Variants in NSUN4 observed in about 807,000 individuals in gnomAD.
NSUN4 encodes 5-cytosine rRNA methyltransferase NSUN4.
Under a neutral mutation model 43.8 loss-of-function variants are expected in NSUN4, and 31 were observed. The ratio of observed to expected loss-of-function variants is 0.71; its 90% CI spans 0.53 to 0.96. NSUN4 has a LOEUF of 0.96. NSUN4 is among the 40% of genes least tolerant of loss of function. The pLI is 0.00. For missense variants in NSUN4, 439 were observed against 475.6 expected, an observed-to-expected ratio of 0.92 and a Z score of 0.72; for synonymous variants, 167 against 184.1, an observed-to-expected ratio of 0.91 and a Z score of 0.75.
downstream of NSUN4, among the ~76,000 whole-genome samples, chr1:46,370,140 G>A (rs980888308): frequency 3.3e-5 from 5 of 152,184 alleles, no homozygotes; most frequent in Non-Finnish European, 1.5e-5. Flanking sequence ...TCATTCTGGG[G>A]AGAACTGGGG....
chr1:46,354,009 A>G (rs1663191764), intron 4 of NSUN4, among the ~76,000 whole-genome samples: 1 of 152,166 alleles, frequency 6.6e-6, no homozygotes, highest in Non-Finnish European at 1.5e-5. Context: ...CATGCTGCCA[A>G]TATTGGTGCT....
chr1:46,358,006 C>G (rs976336170), intron 4 of NSUN4, among the ~76,000 whole-genome samples: 2 of 152,214 alleles, frequency 1.3e-5, no homozygotes, highest in Admixed American at 1.3e-4. Flanking sequence ...CCTCCACCTT[C>G]CGGGTTCAAG....
In NSUN4 at chr1:46,361,631, CACTT is replaced by C; in HGVS notation, c.943_946del (p.Leu315ArgfsTer26). The C allele has an allele frequency of 6.2e-7, 1 of 1,614,230 alleles. No individual in the cohort carries two copies. Among genetic ancestry groups the C allele is most frequent in the South Asian group, 1.1e-5 (1 of 91,086 alleles). ...TGTCTATTCTACCTGCTCACTCTCA[CACTT>C]ACAGAACGAGTATGTGGTGCAAGGT... On this transcript the variant is annotated frameshift_variant, in exon 6 of 6. Coordinates refer to ENST00000474844, the MANE Select transcript of NSUN4 (RefSeq NM_199044.4). LOFTEE classifies it high-confidence loss of function.
At position 46,345,160 on chromosome 1, in the gene NSUN4, A is replaced by T. The variant is rs1180261389; in HGVS notation, c.437+16A>T. 2 of 1,577,184 alleles carry T rather than the reference A, an allele frequency of 1.3e-6. No individual in the cohort carries two copies. Among genetic ancestry groups the T allele is most frequent in the Non-Finnish European group, 8.6e-7 (1 of 1,160,186 alleles). On this transcript the variant is annotated intron_variant, in intron 2 of 5. Transcript: ENST00000474844. ...CTCCTGCCAGGTAGGATCTGGAGCCATGACTGGAGCGGTCCTGAGTGTCTG... is the reference window on the plus strand; with the variant it reads ...CTCCTGCCAGGTAGGATCTGGAGCCTTGACTGGAGCGGTCCTGAGTGTCTG...
the NSUN4 span, chr1:46,370,905 T>C: frequency 2.0e-5 from 3 of 152,566 alleles, no homozygotes; most frequent in Admixed American, 6.5e-5. Flanking sequence ...TAAAAAATAC[T>C]CAGGTCTTGA....
intron 1 of NSUN4, chr1:46,341,212 C>G: frequency 5.2e-6 from 6 of 1,147,612 alleles, no homozygotes; most frequent in Non-Finnish European, 6.5e-6. Flanking sequence ...CCAGCTGTGT[C>G]CACCTACCTT....
chr1:46,372,940 C>T, the NSUN4 span, among the ~76,000 whole-genome samples: 2 of 152,114 alleles, frequency 1.3e-5, no homozygotes, highest in Non-Finnish European at 2.9e-5. Flanking sequence ...AGGTTGGTCT[C>T]GAACTCCTGA....
intron 4 of NSUN4, among the ~76,000 whole-genome samples, chr1:46,358,113 T>A (rs778589778): frequency 5.3e-5 from 8 of 151,356 alleles, no homozygotes; most frequent in African/African-American, 1.2e-4. Flanking sequence ...TTATTTATTT[T>A]GAGACGGAGT....
chr1:46,344,000 A>G, intron 1 of NSUN4: 1 of 387,798 alleles, frequency 2.6e-6, no homozygotes, highest in Non-Finnish European at 4.6e-6. Context: ...AGAGCAAGGC[A>G]TAGATAGTAA....
intron 1 of NSUN4, chr1:46,343,423 C>A (rs2148361520): frequency 2.5e-6 from 1 of 399,670 alleles, no homozygotes; most frequent in East Asian, 3.6e-5. Context: ...TGCAAAGAGC[C>A]TCTGCAGATC....
intron 1 of NSUN4, chr1:46,342,213 C>T (rs532104297): frequency 1.1e-4 from 44 of 399,808 alleles, no homozygotes; most frequent in African/African-American, 9.0e-4. Context: ...TAATGACCCC[C>T]TTCTCTCCCC....
downstream of NSUN4, among the ~76,000 whole-genome samples, chr1:46,365,634 G>T (rs1183753367): frequency 6.6e-6 from 1 of 152,062 alleles, no homozygotes; most frequent in Non-Finnish European, 1.5e-5. Flanking sequence ...GAACCACTGT[G>T]CCCAGCCCAT....
At chr1:46,360,444 A>C (rs1285259347) in intron 4 of NSUN4, among the ~76,000 whole-genome samples, 2 of 150,944 alleles carry the variant, frequency 1.3e-5, no homozygotes, top group Non-Finnish European at 2.9e-5. Context: ...AAAATTAAAA[A>C]AAAAAAAAAT....
intron 1 of NSUN4, chr1:46,342,339 C>CTCTTCCTGTTCTCTTCCTGT (rs1361429644): frequency 1.0e-5 from 4 of 399,184 alleles, no homozygotes. Flanking sequence ...TGGCTTCCCA[C>CTCTTCCTGTTCTCTTCCTGT]TCTCTTCTCA....
At chr1:46,369,858 G>A (rs1433512470), downstream of NSUN4, among the ~76,000 whole-genome samples, 2 of 152,182 alleles carry the variant, frequency 1.3e-5, no homozygotes, top group Admixed American at 6.5e-5. Flanking sequence ...AGCCATTGTC[G>A]GAGTTTTAAG....
At chr1:46,350,972 A>G (rs57267378) in intron 3 of NSUN4, among the ~76,000 whole-genome samples, 34,136 of 152,190 alleles carry the variant, frequency 0.22, 4,298 homozygotes, top group Non-Finnish European at 0.29. Context: ...TCATCTCCCA[A>G]TTATGTCAGC....
Position 46,362,332 on chromosome 1 carries a change from G to A in NSUN4, c.*486G>A, listed in dbSNP as rs1663936411. On this transcript the variant is annotated 3_prime_UTR_variant, in exon 6 of 6. Transcript: ENST00000474844. ...TTGAGCAGCCAACAGGCTCAATTAA[G>A]CCCGCCTGGTTTTTCCATATGGCTC... is the stretch of plus-strand genomic sequence containing the variant. 1 of 155,642 alleles carries A rather than the reference G, an allele frequency of 6.4e-6. No individual in the cohort carries two copies. The highest frequency in any genetic ancestry group is 1.4e-5 in the Non-Finnish European group (1 of 70,334). The allele number at this position is 155,642 out of a possible 1,614,324, so 9.6% of individuals were successfully genotyped here.
chr1:46,347,871 C>T (rs59180932), intron 3 of NSUN4, among the ~76,000 whole-genome samples: 31,546 of 141,908 alleles, frequency 0.22, 3,926 homozygotes, highest in Non-Finnish European at 0.29. Flanking sequence ...TTTTTTTTTT[C>T]TTTCTTTTTT....
the NSUN4 span, among the ~76,000 whole-genome samples, chr1:46,371,433 G>A: frequency 1.1e-4 from 16 of 151,934 alleles, no homozygotes; most frequent in African/African-American, 3.6e-4. Context: ...AGCCTCCCGA[G>A]TAGCTGGGAC....
Sources: gnomAD v4.1 joint callset for allele counts (sites outside exome capture counted in the v4.1 genomes callset) on GRCh38, gnomAD v4.1.1 for gene constraint, MANE v1.5 for transcripts, NCBI Gene and HGNC (gene_info 2026-07-23, HGNC 2026-07-21) for gene names.